ADTRP: variants seen among roughly 807,000 people sequenced by gnomAD.
ADTRP encodes androgen-dependent TFPI-regulating protein.
A neutral mutation model predicts 27.0 loss-of-function variants in ADTRP; 20 were observed. The ratio of observed to expected loss-of-function variants is 0.74; its 90% CI spans 0.52 to 1.08. The LOEUF is 1.08. Among genes scored for constraint, ADTRP ranks in the 50% least tolerant of loss-of-function variants. The probability of loss-of-function intolerance (pLI) is 0.00; values close to 1 mark genes in which losing one functional copy is unlikely to be tolerated. For synonymous variants in ADTRP, 101 were observed against 105.2 expected (o/e 0.96, Z 0.25); for missense variants, 251 against 275.0 (o/e 0.91, Z 0.62).
chr6:11,766,238 G>T, intron 3 of ADTRP, 36 bp downstream of exon 3: 1 of 1,486,780 alleles, frequency 6.7e-7, no homozygotes, highest in South Asian at 1.2e-5. Context: ...AGAGGCTATT[G>T]GTGTTCTGAG....
intron 5 of ADTRP, among the ~76,000 whole-genome samples, chr6:11,722,692 TTAAC>T (rs1762055526): frequency 6.6e-6 from 1 of 152,088 alleles, no homozygotes. Context: ...CATTTTAAAA[TTAAC>T]TAAGTTAAGA....
intron 4 of ADTRP, among the ~76,000 whole-genome samples, chr6:11,727,005 T>C (rs1412484299): frequency 6.6e-6 from 1 of 152,096 alleles, no homozygotes; most frequent in African/African-American, 2.4e-5. Context: ...ATAATTATCA[T>C]CATTGTTACT....
chr6:11,735,526 T>G (rs1432581183), intron 4 of ADTRP, 42 bp downstream of exon 4: 6 of 1,497,490 alleles, frequency 4.0e-6, no homozygotes, highest in Non-Finnish European at 5.6e-6. Flanking sequence ...CTCAGGGTCT[T>G]GAACGACAAG....
At chr6:11,740,270 G>A (rs1017021658) in intron 3 of ADTRP, among the ~76,000 whole-genome samples, 1 of 152,088 alleles carries the variant, frequency 6.6e-6, no homozygotes, top group African/African-American at 2.4e-5. Context: ...AATACCTTTG[G>A]TTTGCTTATG....
At chr6:11,720,471 T>C (rs1354801998) in intron 5 of ADTRP, among the ~76,000 whole-genome samples, 3 of 102,206 alleles carry the variant, frequency 2.9e-5, no homozygotes, top group African/African-American at 9.7e-5. Flanking sequence ...GTGAGGGATA[T>C]ACCCTTTTCT....
intron 4 of ADTRP, among the ~76,000 whole-genome samples, chr6:11,724,236 CT>C (rs34615297): frequency 6.6e-6 from 1 of 152,164 alleles, no homozygotes; most frequent in African/African-American, 2.4e-5. Flanking sequence ...GTGGGGTTTG[CT>C]TTTTTGGATC....
chr6:11,762,065 T>C (rs191170154), intron 3 of ADTRP, among the ~76,000 whole-genome samples: 1 of 152,276 alleles, frequency 6.6e-6, no homozygotes, highest in East Asian at 1.9e-4. Flanking sequence ...AAATCTGTGA[T>C]TGGGTCAGAA....
At chr6:11,767,929 C>G in intron 2 of ADTRP, 1 of 253,650 alleles carries the variant, frequency 3.9e-6, no homozygotes, top group Non-Finnish European at 7.5e-6. Context: ...GCTCTCCATT[C>G]CCATCACCCT....
chr6:11,768,291 G>C lies in ADTRP; in HGVS notation c.246C>G (p.Phe82Leu). 1 of 1,614,204 alleles carries C rather than the reference G, an allele frequency of 6.2e-7. No individual in the cohort carries two copies. The highest frequency in any genetic ancestry group is 1.3e-5 in the African/African-American group (1 of 75,054). ...CCAGAGTGGTGAAAAGCAGGTCTCT[G>C]AAGGCAGTTAGGAACTTAATGTCTT... ...GGKDIKFLTA[F>L]RDLLFTTLAF... The change falls in exon 2 of 6, where the codon TTC becomes TTG. Residue 82 changes from phenylalanine (F) to leucine (L), a missense_variant. Physicochemically the swap from Phe to Leu is conservative, Grantham distance 22. Coordinates refer to ENST00000414691, the MANE Select transcript of ADTRP (RefSeq NM_032744.4).
intron 2 of ADTRP, chr6:11,767,905 T>A (rs2113337728): frequency 4.7e-6 from 1 of 211,264 alleles, no homozygotes; most frequent in South Asian, 1.7e-4. Flanking sequence ...AAATTCGTCA[T>A]CTCCCTCCCC....
chr6:11,745,959 T>A (rs978403475), intron 3 of ADTRP, among the ~76,000 whole-genome samples: 3 of 152,114 alleles, frequency 2.0e-5, no homozygotes, highest in African/African-American at 7.2e-5. Flanking sequence ...CCTGGCTAAT[T>A]CTTGTATTTT....
At chr6:11,729,448 C>T (rs1762316548) in intron 4 of ADTRP, among the ~76,000 whole-genome samples, 1 of 152,160 alleles carries the variant, frequency 6.6e-6, no homozygotes, top group African/African-American at 2.4e-5. Context: ...TCCTGCCCTT[C>T]TACTACCTGG....
chr6:11,715,806 CTTTTTTTTTTT>C (rs55961408), intron 5 of ADTRP, among the ~76,000 whole-genome samples: 3 of 77,728 alleles, frequency 3.9e-5, no homozygotes, highest in Non-Finnish European at 4.4e-5. Context: ...CCATGCCCAG[CTTTTTTTTTTT>C]TTTTTTTTTT....
chr6:11,749,833 C>T (rs144019509), intron 3 of ADTRP, among the ~76,000 whole-genome samples: 33 of 152,308 alleles, frequency 2.2e-4, no homozygotes, highest in South Asian at 1.7e-3. Flanking sequence ...TTCCAAGAAG[C>T]ACACTTGTGT....
At chr6:11,737,282 C>A (rs1356104406) in intron 3 of ADTRP, among the ~76,000 whole-genome samples, 1 of 152,136 alleles carries the variant, frequency 6.6e-6, no homozygotes, top group Admixed American at 6.5e-5. Context: ...TTCCTCAGCT[C>A]GTGGCTGCCT....
chr6:11,733,747 T>C (rs976791473), intron 4 of ADTRP, among the ~76,000 whole-genome samples: 4 of 152,204 alleles, frequency 2.6e-5, no homozygotes, highest in Non-Finnish European at 4.4e-5. Context: ...CACTTGTACC[T>C]GGCTCCCATC....
chr6:11,741,936 T>C (rs1307760798), intron 3 of ADTRP, among the ~76,000 whole-genome samples: 3 of 152,156 alleles, frequency 2.0e-5, no homozygotes, highest in Non-Finnish European at 4.4e-5. Flanking sequence ...TTCACTTTTC[T>C]ACCAAAATGC....
intron 1 of ADTRP, among the ~76,000 whole-genome samples, chr6:11,769,627 A>G (rs2113342700): frequency 6.6e-6 from 1 of 152,288 alleles, no homozygotes; most frequent in South Asian, 2.1e-4. Flanking sequence ...GGAGAAATTG[A>G]AAAACTACCT....
intron 3 of ADTRP, among the ~76,000 whole-genome samples, chr6:11,750,827 C>T (rs2113283875): frequency 6.6e-6 from 1 of 152,254 alleles, no homozygotes; most frequent in Non-Finnish European, 1.5e-5. Flanking sequence ...GCACATGATC[C>T]TCCCCAATCT....
Sources: allele counts gnomAD v4.1 joint callset (sites outside exome capture counted in the v4.1 genomes callset), GRCh38; gene constraint gnomAD v4.1.1; transcripts MANE v1.5; gene names NCBI Gene and HGNC (gene_info 2026-07-23, HGNC 2026-07-21).